HTR2C: variants seen among roughly 807,000 people sequenced by gnomAD.
HTR2C encodes the protein 5-hydroxytryptamine (serotonin) receptor 2C, G protein-coupled.
Under a neutral mutation model 21.0 loss-of-function variants are expected in HTR2C, and 5 were observed. The ratio of observed to expected loss-of-function variants is 0.24; its 90% CI spans 0.12 to 0.50. The LOEUF (loss-of-function observed/expected upper bound fraction) is 0.50. Ranked by LOEUF, HTR2C falls within the 20% of genes least tolerant of loss-of-function variation. HTR2C has a pLI of 0.98. For synonymous variants in HTR2C, 150 were observed against 145.3 expected (o/e 1.03, Z -0.23); for missense variants, 271 against 371.2 (o/e 0.73, Z 2.22).
At chrX:114,644,018 T>A (rs1212876931) in intron 2 of HTR2C, among the ~76,000 whole-genome samples, 1 of 109,762 alleles carries the variant, frequency 9.1e-6, no homozygotes, top group Non-Finnish European at 1.9e-5. Context: ...GGTAGATAAG[T>A]GTGAGTTTGC....
chrX:114,690,485 TTTC>T (rs781910378), intron 2 of HTR2C, among the ~76,000 whole-genome samples: 6 of 111,827 alleles, frequency 5.4e-5, no homozygotes, highest in Non-Finnish European at 1.1e-4. Context: ...TCAGTATCAT[TTTC>T]TTCTCTCATT....
intron 2 of HTR2C, among the ~76,000 whole-genome samples, chrX:114,726,005 G>GAGGC (rs1358790453): frequency 2.7e-5 from 3 of 111,132 alleles, no homozygotes; most frequent in Non-Finnish European, 3.8e-5. Flanking sequence ...GGAGCCTACA[G>GAGGC]AGGCAGGCAG....
intron 4 of HTR2C, among the ~76,000 whole-genome samples, chrX:114,753,643 GATC>G (rs1170041732): frequency 1.8e-5 from 2 of 111,586 alleles, no homozygotes; most frequent in Admixed American, 1.9e-4. Flanking sequence ...TATTAACAAT[GATC>G]ATATGGAAAC....
rs200416814 is a variant in HTR2C, at chrX:114,678,270, G to GACACAC, written c.-79-48559_-79-48554dup. Among the ~76,000 whole-genome samples the GACACAC allele has an allele frequency of 3.6e-3, 365 of 100,224 alleles. 2 individuals are homozygous for GACACAC. The highest frequency in any genetic ancestry group is 0.021 in the South Asian group (43 of 2,066). 87.0% of individuals were successfully genotyped at this position (100,224 alleles called of 115,157 possible). On this transcript the variant is annotated intron_variant, in intron 2 of 5. Transcript: ENST00000276198. The stretch of plus-strand genomic sequence containing the variant: ...GGTGTTTCTCTTTCCCTCTCTGTCT[G>GACACAC]ACACACACACACACACACACACACA...
intron 2 of HTR2C, among the ~76,000 whole-genome samples, chrX:114,650,924 C>A (rs782353667): frequency 1.8e-5 from 2 of 111,461 alleles, no homozygotes; most frequent in East Asian, 5.7e-4. Context: ...GAAAATAAAA[C>A]CTATGAAGAG....
chrX:114,693,648 A>G (rs1051276010), intron 2 of HTR2C, among the ~76,000 whole-genome samples: 8 of 111,289 alleles, frequency 7.2e-5, no homozygotes, highest in Admixed American at 1.9e-4. Flanking sequence ...TTTTCCAATT[A>G]TGAACGGCAT....
intron 4 of HTR2C, among the ~76,000 whole-genome samples, chrX:114,836,355 G>A (rs1383151174): frequency 1.1e-4 from 12 of 112,457 alleles, no homozygotes; most frequent in East Asian, 2.8e-4. Flanking sequence ...AGCAATCAGC[G>A]AGACTCCGTG....
chrX:114,676,615 G>A (rs1000062868), intron 2 of HTR2C, among the ~76,000 whole-genome samples: 18 of 112,179 alleles, frequency 1.6e-4, no homozygotes, highest in African/African-American at 4.9e-4. Flanking sequence ...TATTTCATAC[G>A]AATTTATTAA....
At chrX:114,764,929 C>CTT (rs2069929587) in intron 4 of HTR2C, among the ~76,000 whole-genome samples, 21 of 23,181 alleles carry the variant, frequency 9.1e-4, no homozygotes, top group South Asian at 3.0e-3. Context: ...CTTTCTTTTC[C>CTT]TTCCTTCCTT....
At chrX:114,633,014 A>G (rs1929693447) in intron 2 of HTR2C, among the ~76,000 whole-genome samples, 1 of 111,048 alleles carries the variant, frequency 9.0e-6, no homozygotes, top group South Asian at 3.8e-4. Flanking sequence ...CCCACTGATA[A>G]TAAGATGTGA....
chrX:114,683,059 T>C (rs1602685094), intron 2 of HTR2C, among the ~76,000 whole-genome samples: 2 of 112,026 alleles, frequency 1.8e-5, no homozygotes, highest in Admixed American at 1.9e-4. Flanking sequence ...CGTAATATGA[T>C]CAGACCAACC....
chrX:114,633,947 TAGAG>T (rs59914358), intron 2 of HTR2C, among the ~76,000 whole-genome samples: 7 of 92,163 alleles, frequency 7.6e-5, no homozygotes, highest in Non-Finnish European at 1.1e-4. Context: ...TATATATATA[TAGAG>T]AGAGAGAGAG....
chrX:114,614,648 AG>A (rs1928883294), intron 2 of HTR2C, among the ~76,000 whole-genome samples: 1 of 111,585 alleles, frequency 9.0e-6, no homozygotes, highest in Non-Finnish European at 1.9e-5. Flanking sequence ...AAACATAGCT[AG>A]CTCTTCAAAA....
At chrX:114,782,719 A>G (rs73571406) in intron 4 of HTR2C, among the ~76,000 whole-genome samples, 2,074 of 111,174 alleles carry the variant, frequency 0.019, 48 homozygotes, top group African/African-American at 0.064. Flanking sequence ...CCCTGTATAA[A>G]AAAAAAAGGT....
chrX:114,744,786 T>C (rs2069686341), intron 4 of HTR2C, among the ~76,000 whole-genome samples: 1 of 111,609 alleles, frequency 9.0e-6, no homozygotes, highest in South Asian at 3.7e-4. Context: ...AGTAATGAAA[T>C]TGACAAACTG....
chrX:114,674,486 G>A (rs782330614), intron 2 of HTR2C, among the ~76,000 whole-genome samples: 5 of 110,840 alleles, frequency 4.5e-5, no homozygotes, highest in African/African-American at 9.8e-5. Flanking sequence ...GTCTTCTGGC[G>A]CCCCTTTTCC....
At chrX:114,752,820 C>T (rs782538078) in intron 4 of HTR2C, among the ~76,000 whole-genome samples, 1 of 110,114 alleles carries the variant, frequency 9.1e-6, no homozygotes, top group South Asian at 3.9e-4. Flanking sequence ...TTTCGGAACC[C>T]AAGAAATTGT....
chrX:114,906,991 T>C lies in HTR2C; in HGVS notation c.953T>C (p.Phe318Ser). 2 of 1,211,570 alleles carry C rather than the reference T, an allele frequency of 1.7e-6. No homozygotes were observed. Among genetic ancestry groups the C allele is most frequent in the South Asian group, 3.5e-5 (2 of 56,973 alleles). Residue 318 changes from phenylalanine to serine, a missense_variant, in exon 6 of 6, where the codon TTT (phenylalanine) becomes TCT (serine). Transcript: ENST00000276198. Reference protein sequence around the residue: ...KASKVLGIVFFVFLIMWCPFF... With the variant: ...KASKVLGIVFSVFLIMWCPFF... Reference sequence around the variant, plus strand: ...TCGAAAGTCCTTGGGATTGTTTTCTTTGTGTTTCTGATCATGTGGTGCCCA... The same window carrying C: ...TCGAAAGTCCTTGGGATTGTTTTCTCTGTGTTTCTGATCATGTGGTGCCCA...
chrX:114,827,443 T>C (rs2070687912), intron 4 of HTR2C, among the ~76,000 whole-genome samples: 1 of 111,527 alleles, frequency 9.0e-6, no homozygotes, highest in Non-Finnish European at 1.9e-5. Flanking sequence ...CAGACAATGT[T>C]ACAAAATTTT....
Sources: gnomAD v4.1 joint callset for allele counts (sites outside exome capture counted in the v4.1 genomes callset) on GRCh38, gnomAD v4.1.1 for gene constraint, MANE v1.5 for transcripts, NCBI Gene and HGNC (gene_info 2026-07-23, HGNC 2026-07-21) for gene names.